The following GUCY2C variants were observed in gnomAD, a reference collection of about 807,000 sequenced individuals.
GUCY2C encodes guanylate cyclase 2C.
A neutral mutation model predicts 131.1 loss-of-function variants in GUCY2C; 118 were observed. The observed-to-expected ratio is 0.90, with a 90% confidence interval of 0.78 to 1.05. GUCY2C has a LOEUF of 1.05. Ranked by LOEUF, GUCY2C falls within the 50% of genes least tolerant of loss-of-function variation. The probability of loss-of-function intolerance (pLI) is 0.00; values close to 1 mark genes in which losing one functional copy is unlikely to be tolerated. For missense variants in GUCY2C, 1,161 were observed against 1,304.4 expected (o/e 0.89, Z 1.69); for synonymous variants, 452 against 457.8 (o/e 0.99, Z 0.16).
At position 14,676,628 on chromosome 12, in the gene GUCY2C, A is replaced by G. The variant is rs1016518532; in HGVS notation, c.948+226T>C. On this transcript the variant is annotated intron_variant, in intron 7 of 26. Transcript: ENST00000261170. ...GATGTGTCCACTGTTGTACTGTTCT[A>G]TAGTCTAGCAGAGTGACCTATAGTT... is the stretch of plus-strand genomic sequence containing the variant. 4.6e-5 allele frequency among the ~76,000 whole-genome samples: 7 copies of G among 152,142 alleles called. No homozygotes were observed. In the East Asian group the frequency reaches 5.8e-4, roughly 13 times the overall value.
chr12:14,620,249 T>C (rs910462061), intron 23 of GUCY2C, among the ~76,000 whole-genome samples: 1 of 152,214 alleles, frequency 6.6e-6, no homozygotes, highest in Non-Finnish European at 1.5e-5. Flanking sequence ...ACTTACGTTA[T>C]AGATAGCTGA....
At chr12:14,643,737 A>C in intron 16 of GUCY2C, 31 bp from the exon 17 acceptor site, 1 of 1,597,052 alleles carries the variant, frequency 6.3e-7, no homozygotes. Context: ...GAAAAACAGA[A>C]ATGTGACACA....
chr12:14,643,137 A>G (rs1435371326), intron 17 of GUCY2C, among the ~76,000 whole-genome samples: 1 of 152,210 alleles, frequency 6.6e-6, no homozygotes, highest in Non-Finnish European at 1.5e-5. Context: ...ATTTCTTATT[A>G]CCACACATAA....
chr12:14,674,088 T>C (rs1948173580), intron 8 of GUCY2C, among the ~76,000 whole-genome samples: 1 of 152,220 alleles, frequency 6.6e-6, no homozygotes, highest in Non-Finnish European at 1.5e-5. Context: ...AATTTCTTCA[T>C]AGTCTCAGGA....
chr12:14,678,298 G>A (rs1948281531), intron 6 of GUCY2C, among the ~76,000 whole-genome samples: 1 of 152,228 alleles, frequency 6.6e-6, no homozygotes, highest in African/African-American at 2.4e-5. Context: ...AGAAGTGTCA[G>A]AATTAGAATG....
intron 1 of GUCY2C, among the ~76,000 whole-genome samples, chr12:14,695,240 TG>T (rs1948635696): frequency 6.6e-6 from 1 of 152,170 alleles, no homozygotes; most frequent in Non-Finnish European, 1.5e-5. Flanking sequence ...AACATCCAGG[TG>T]GCTGGGAATC....
rs1948466491 is a variant in GUCY2C at position 14,686,196 on chromosome 12, T to C, written c.360A>G (p.Ile120Met). 1.3e-6 allele frequency: 2 copies of C among 1,599,842 alleles called. No individual in the cohort carries two copies. Among genetic ancestry groups the C allele is most frequent in the Non-Finnish European group, 1.7e-6 (2 of 1,167,194 alleles). Residue 120 changes from isoleucine (I) to methionine (M), a missense_variant, in exon 3 of 27, where the codon ATA (isoleucine) becomes ATG (methionine). Coordinates refer to ENST00000261170, the MANE Select transcript of GUCY2C (RefSeq NM_004963.4). ...AGGTGGAGTATGTACATGAGGGCCC[T>C]ATGAGGACACAGCCCATCCGTTGTG... ...SNAQRMGCVL[I>M]GPSCTYSTFQ...
At chr12:14,679,968 G>A (rs1256766300) in intron 5 of GUCY2C, among the ~76,000 whole-genome samples, 6 of 150,354 alleles carry the variant, frequency 4.0e-5, no homozygotes, top group South Asian at 4.2e-4. Flanking sequence ...AAATCATCTC[G>A]TCCATCATTC....
intron 26 of GUCY2C, among the ~76,000 whole-genome samples, chr12:14,614,212 A>G (rs1365001652): frequency 6.6e-6 from 1 of 152,126 alleles, no homozygotes; most frequent in African/African-American, 2.4e-5. Flanking sequence ...GCCATGCTTT[A>G]TTGCAGGGCA....
At chr12:14,677,642 C>T (rs536162916) in intron 6 of GUCY2C, among the ~76,000 whole-genome samples, 1 of 152,186 alleles carries the variant, frequency 6.6e-6, no homozygotes, top group East Asian at 1.9e-4. Flanking sequence ...ATGATCTCGG[C>T]TCACTGCAAC....
At chr12:14,619,065 A>G (rs1315811370) in intron 24 of GUCY2C, 146 bp downstream of exon 24, 1 of 556,658 alleles carries the variant, frequency 1.8e-6, no homozygotes, top group Non-Finnish European at 3.2e-6. Flanking sequence ...AGGTGGATTG[A>G]CACGGGTTTG....
intron 18 of GUCY2C, among the ~76,000 whole-genome samples, chr12:14,640,836 C>A (rs111233363): frequency 4.6e-5 from 7 of 152,156 alleles, no homozygotes; most frequent in Middle Eastern, 3.2e-3. Flanking sequence ...CAATTGTAAA[C>A]GAAGATTGTT....
chr12:14,675,483 A>G (rs1444849334), intron 7 of GUCY2C, among the ~76,000 whole-genome samples: 1 of 152,164 alleles, frequency 6.6e-6, no homozygotes, highest in African/African-American at 2.4e-5. Flanking sequence ...TAAAGTGCAA[A>G]AGAGAAACCC....
intron 1 of GUCY2C, among the ~76,000 whole-genome samples, chr12:14,692,713 G>T (rs1020858806): frequency 6.6e-6 from 1 of 152,156 alleles, no homozygotes; most frequent in Non-Finnish European, 1.5e-5. Flanking sequence ...GCTGGATGTG[G>T]TGATGCATAC....
At chr12:14,637,196 C>A (rs370663518) in intron 19 of GUCY2C, among the ~76,000 whole-genome samples, 205 of 123,218 alleles carry the variant, frequency 1.7e-3, no homozygotes, top group Middle Eastern at 4.7e-3. Flanking sequence ...CAATAGCTAC[C>A]AAAAAAAAAA....
In GUCY2C at chr12:14,621,985, C is replaced by A. The variant is rs1304640354; in HGVS notation, c.2601+20G>T. Reference sequence around the variant, plus strand: ...GAGTTGTACAATTAATGGTTTCAGCCTGTTAGGTGATGTGGTTACCTTGTA... The same window carrying A: ...GAGTTGTACAATTAATGGTTTCAGCATGTTAGGTGATGTGGTTACCTTGTA... On this transcript the variant is annotated intron_variant, in intron 22 of 26. Transcript: ENST00000261170. The A allele has an allele frequency of 6.5e-7, 1 of 1,545,150 alleles. No individual in the cohort carries two copies. Among genetic ancestry groups the A allele is most frequent in the Admixed American group, 2.0e-5 (1 of 50,492 alleles).
intron 15 of GUCY2C, among the ~76,000 whole-genome samples, chr12:14,650,880 T>C (rs1456692816): frequency 6.6e-6 from 1 of 152,170 alleles, no homozygotes; most frequent in African/African-American, 2.4e-5. Context: ...AGGGTAGATT[T>C]GAGTTTATAC....
rs1948654969 is a variant in GUCY2C at position 14,696,344 on chromosome 12, A to G, written c.105T>C (p.Tyr35=). The G allele has an allele frequency of 6.2e-7, 1 of 1,614,000 alleles. No individual in the cohort carries two copies. The change falls in exon 1 of 27, where the codon TAT becomes TAC. Residue 35 remains tyrosine (Y), a synonymous_variant. Transcript: ENST00000261170. The stretch of plus-strand genomic sequence containing the variant: ...TGCCCATCATCAGGACGCTGATTTC[A>G]TAGCTGCCATTGTGGCAGTTCTGAC... The part of the protein sequence containing the change: ...QVSQNCHNGS[Y]EISVLMMGNS...
chr12:14,632,048 T>C (rs1469356283), intron 19 of GUCY2C, among the ~76,000 whole-genome samples: 1 of 152,198 alleles, frequency 6.6e-6, no homozygotes, highest in Non-Finnish European at 1.5e-5. Flanking sequence ...AGTGTCTGTT[T>C]ATGTCCTTCA....
Sources: allele counts gnomAD v4.1 joint callset (sites outside exome capture counted in the v4.1 genomes callset), GRCh38; gene constraint gnomAD v4.1.1; transcripts MANE v1.5; gene names NCBI Gene and HGNC (gene_info 2026-07-23, HGNC 2026-07-21).